Variants in PGBD5 observed in about 807,000 individuals in gnomAD.
PGBD5 encodes the protein piggyBac transposable element-derived protein 5.
A neutral mutation model predicts 47.9 loss-of-function variants in PGBD5; 14 were observed. The ratio of observed to expected loss-of-function variants is 0.29; its 90% CI spans 0.19 to 0.46. The LOEUF (loss-of-function observed/expected upper bound fraction) is 0.46, where lower values mean the gene tolerates loss of function less well. Ranked by LOEUF, PGBD5 falls within the 20% of genes least tolerant of loss-of-function variation. The pLI is 1.00. For synonymous variants in PGBD5, 316 were observed against 306.3 expected, an observed-to-expected ratio of 1.03 and a Z score of -0.33; for missense variants, 635 against 716.0, an observed-to-expected ratio of 0.89 and a Z score of 1.29.
intron 1 of PGBD5, among the ~76,000 whole-genome samples, chr1:230,415,077 C>A (rs1343593968): frequency 2.0e-5 from 3 of 152,138 alleles, no homozygotes; most frequent in Admixed American, 6.5e-5. Flanking sequence ...CCAGCTTAGG[C>A]AACATAGTGA....
chr1:230,374,815 G>A (rs1173241059), intron 1 of PGBD5, among the ~76,000 whole-genome samples: 1 of 152,192 alleles, frequency 6.6e-6, no homozygotes, highest in Non-Finnish European at 1.5e-5. Context: ...GATATTCTGT[G>A]TATTCCACCT....
chr1:230,410,330 A>T (rs1217701529), intron 1 of PGBD5, among the ~76,000 whole-genome samples: 1 of 152,232 alleles, frequency 6.6e-6, no homozygotes, highest in Non-Finnish European at 1.5e-5. Flanking sequence ...AATAATAAAG[A>T]CATGAAGAAG....
At position 230,314,642 on chromosome 1, in the gene PGBD5, C is replaced by T. The variant is rs1666910442; in HGVS notation, c.*8783G>A. The T allele has an allele frequency of 1.5e-5, 2 of 136,796 alleles. No homozygotes were observed. The highest frequency in any genetic ancestry group is 5.5e-5 in the African/African-American group (2 of 36,272). 8.5% of individuals were successfully genotyped at this position (136,796 alleles called of 1,614,324 possible). On this transcript the variant is annotated 3_prime_UTR_variant, in exon 7 of 7. Coordinates refer to ENST00000391860, the MANE Select transcript of PGBD5 (RefSeq NM_001258311.2). ...CATTTGAGAACCCAGAATTCAGCTC[C>T]TGTTATACAAAATTTGTAAAAATTT... is the stretch of plus-strand genomic sequence containing the variant.
At chr1:230,367,345 TC>T (rs1269820198) in intron 1 of PGBD5, among the ~76,000 whole-genome samples, 2 of 152,088 alleles carry the variant, frequency 1.3e-5, no homozygotes, top group Non-Finnish European at 2.9e-5. Flanking sequence ...TAGTCCTTCC[TC>T]CATGAAAGGC....
At chr1:230,367,986 AG>A (rs1352024899) in intron 1 of PGBD5, 8 of 1,367,824 alleles carry the variant, frequency 5.8e-6, no homozygotes, top group Non-Finnish European at 7.8e-6. Context: ...CTGGACACCA[AG>A]GAGCTGGGGG....
At chr1:230,398,883 G>T (rs1657068030) in intron 1 of PGBD5, among the ~76,000 whole-genome samples, 2 of 152,178 alleles carry the variant, frequency 1.3e-5, no homozygotes, top group African/African-American at 4.8e-5. Flanking sequence ...GAGTCCCCCA[G>T]AGCAGCTGGT....
intron 1 of PGBD5, among the ~76,000 whole-genome samples, chr1:230,405,020 C>T (rs925236151): frequency 6.7e-6 from 1 of 150,124 alleles, no homozygotes; most frequent in Admixed American, 6.6e-5. Flanking sequence ...AGGTGAAACC[C>T]CGTCTCCACT....
chr1:230,327,378 G>A (rs973314945), intron 5 of PGBD5, among the ~76,000 whole-genome samples: 7 of 152,198 alleles, frequency 4.6e-5, no homozygotes, highest in Admixed American at 3.3e-4. Flanking sequence ...GACCGTGGCT[G>A]AGGAGACCAG....
rs773334180 is a variant in PGBD5 at position 230,377,527 on chromosome 1, CG to C, written c.332-20207del. On this transcript the variant is annotated intron_variant, in intron 1 of 6. Coordinates refer to ENST00000391860, the MANE Select transcript of PGBD5 (RefSeq NM_001258311.2). ...GAATGAATCGCTTGGCTGCAGATCC[CG>C]GCCGGGCACTATGCTGAGCAACTGC... The C allele has an allele frequency of 8.7e-6, 14 of 1,612,514 alleles. No homozygotes were observed. The African/African-American group carries it at 9.3e-5, about 11-fold the overall frequency.
intron 1 of PGBD5, among the ~76,000 whole-genome samples, chr1:230,365,378 T>A (rs1667811089): frequency 6.7e-6 from 1 of 150,074 alleles, no homozygotes; most frequent in Non-Finnish European, 1.5e-5. Flanking sequence ...TGACTAGAGG[T>A]CACATGACAA....
intron 5 of PGBD5, among the ~76,000 whole-genome samples, chr1:230,330,078 G>A (rs538066942): frequency 6.6e-6 from 1 of 152,124 alleles, no homozygotes; most frequent in African/African-American, 2.4e-5. Flanking sequence ...GAATGAGAAC[G>A]TGACAAATAT....
At chr1:230,398,238 G>A (rs1269555606) in intron 1 of PGBD5, among the ~76,000 whole-genome samples, 3 of 152,158 alleles carry the variant, frequency 2.0e-5, no homozygotes, top group South Asian at 2.1e-4. Flanking sequence ...ACCACAGAAC[G>A]GTGGCTTAAA....
At chr1:230,352,793 C>G (rs919797723) in intron 2 of PGBD5, among the ~76,000 whole-genome samples, 1 of 152,056 alleles carries the variant, frequency 6.6e-6, no homozygotes, top group Non-Finnish European at 1.5e-5. Context: ...TGAACAAGTC[C>G]CCCACACAGT....
chr1:230,354,976 G>C (rs1216167562), intron 2 of PGBD5, among the ~76,000 whole-genome samples: 1 of 152,178 alleles, frequency 6.6e-6, no homozygotes, highest in Non-Finnish European at 1.5e-5. Context: ...AAGTAAAGGG[G>C]AAAAAGCCCC....
chr1:230,364,166 T>C (rs1188646702), intron 1 of PGBD5, among the ~76,000 whole-genome samples: 3 of 152,236 alleles, frequency 2.0e-5, no homozygotes, highest in Admixed American at 1.3e-4. Flanking sequence ...CTCAGCTCTA[T>C]TGGGGTACTC....
chr1:230,367,308 C>T (rs1414667528), intron 1 of PGBD5, among the ~76,000 whole-genome samples: 1 of 152,152 alleles, frequency 6.6e-6, no homozygotes, highest in Non-Finnish European at 1.5e-5. Context: ...CCATGGCACA[C>T]GTCCTCCTGC....
At chr1:230,346,816 C>T (rs547132913) in intron 3 of PGBD5, among the ~76,000 whole-genome samples, 53 of 152,188 alleles carry the variant, frequency 3.5e-4, no homozygotes, top group Admixed American at 1.0e-3. Context: ...CACGCTATGT[C>T]GATGAATATT....
chr1:230,371,970 G>T (rs1667936032), intron 1 of PGBD5, among the ~76,000 whole-genome samples: 1 of 152,198 alleles, frequency 6.6e-6, no homozygotes, highest in African/African-American at 2.4e-5. Context: ...GAATGGAAGA[G>T]GAGGGGATGG....
intron 3 of PGBD5, among the ~76,000 whole-genome samples, chr1:230,342,494 C>A (rs574258983): frequency 2.6e-5 from 4 of 152,336 alleles, no homozygotes; most frequent in East Asian, 1.9e-4. Flanking sequence ...TCACTGAAGA[C>A]GCAGAATGAG....
Sources: allele counts gnomAD v4.1 joint callset (sites outside exome capture counted in the v4.1 genomes callset), GRCh38; gene constraint gnomAD v4.1.1; transcripts MANE v1.5; gene names NCBI Gene and HGNC (gene_info 2026-07-23, HGNC 2026-07-21).